The following VWF variants were observed in gnomAD, a reference collection of about 807,000 sequenced individuals.
VWF encodes the protein von Willebrand factor.
Under a neutral mutation model 308.6 loss-of-function variants are expected in VWF, and 176 were observed. That is an observed-to-expected ratio of 0.57 (90% CI 0.50 to 0.65). VWF has a LOEUF of 0.65. Ranked by LOEUF, VWF falls within the 30% of genes least tolerant of loss-of-function variation. The pLI is 0.00. For synonymous variants in VWF, 1,385 were observed against 1,443.4 expected (o/e 0.96, Z 0.92); for missense variants, 3,146 against 3,648.2 (o/e 0.86, Z 3.55).
intron 3 of VWF, among the ~76,000 whole-genome samples, chr12:6,113,471 G>T (rs1308064498): frequency 6.6e-6 from 1 of 151,964 alleles, no homozygotes; most frequent in Non-Finnish European, 1.5e-5. Context: ...CTAATTTGTT[G>T]TATTTTTAGT....
rs543894258 is a variant in VWF, at chr12:6,109,343, C to T, written c.532+1031G>A. Among the ~76,000 whole-genome samples the T allele has an allele frequency of 5.9e-5, 9 of 151,938 alleles. No individual in the cohort carries two copies. The South Asian group carries it at 1.5e-3, about 24-fold the overall frequency. On this transcript the variant is annotated intron_variant, in intron 5 of 51. Coordinates refer to ENST00000261405, the MANE Select transcript of VWF (RefSeq NM_000552.5). ...ATATATACATATTTACACAAACACA[C>T]ACACATATATAGAGTGCAACTAAAG...
At chr12:6,099,529 C>T (rs7136463) in intron 5 of VWF, among the ~76,000 whole-genome samples, 18,676 of 151,850 alleles carry the variant, frequency 0.12, 3,695 homozygotes, top group African/African-American at 0.42. Flanking sequence ...AGTTCACAAT[C>T]GAAAATTATG....
intron 2 of VWF, among the ~76,000 whole-genome samples, chr12:6,122,300 C>T (rs1269767591): frequency 2.0e-5 from 3 of 152,142 alleles, no homozygotes; most frequent in African/African-American, 7.2e-5. Context: ...CATCTTTGTA[C>T]ATAAATCTAC....
At chr12:6,031,814 G>C (rs995449813) in intron 20 of VWF, among the ~76,000 whole-genome samples, 1 of 151,868 alleles carries the variant, frequency 6.6e-6, no homozygotes, top group African/African-American at 2.4e-5. Flanking sequence ...TGCAGTGAGT[G>C]GGGTGGGGGT....
intron 6 of VWF, among the ~76,000 whole-genome samples, chr12:6,087,530 T>TC (rs1340103122): frequency 9.0e-6 from 1 of 111,672 alleles, no homozygotes; most frequent in Non-Finnish European, 1.9e-5. Flanking sequence ...GGCTAATTTT[T>TC]TTTTTTTTGT....
chr12:6,054,508 T>G (rs1345977100), intron 15 of VWF, among the ~76,000 whole-genome samples: 1 of 152,214 alleles, frequency 6.6e-6, no homozygotes, highest in African/African-American at 2.4e-5. Flanking sequence ...AAATTTCTCC[T>G]TTAGCCTTCT....
chr12:5,992,461 A>G (rs1354409373), intron 37 of VWF, among the ~76,000 whole-genome samples: 3 of 152,232 alleles, frequency 2.0e-5, no homozygotes, highest in Admixed American at 6.5e-5. Context: ...GCAAGGAACT[A>G]GAATCCAGTT....
rs910781099 is a variant in VWF at position 5,968,908 on chromosome 12, C to T, written c.7729+303G>A. ...TTGCCATTTTTCTGTTTGTTGGCAG[C>T]GTTGGGGTGGCAAGTTGAACGCCTT... On this transcript the variant is annotated intron_variant, in intron 45 of 51. Coordinates refer to ENST00000261405, the MANE Select transcript of VWF (RefSeq NM_000552.5). Among the ~76,000 whole-genome samples, 7 of 152,166 alleles carry T rather than the reference C, an allele frequency of 4.6e-5. No individual in the cohort carries two copies. The South Asian group carries it at 8.3e-4, about 18-fold the overall frequency.
intron 38 of VWF, among the ~76,000 whole-genome samples, chr12:5,991,319 A>G (rs216893): frequency 0.52 from 79,599 of 151,910 alleles, 21,164 homozygotes; most frequent in East Asian, 0.75. Flanking sequence ...CAATAAAGAA[A>G]CCTGTTTAAC....
intron 42 of VWF, among the ~76,000 whole-genome samples, chr12:5,979,185 G>T (rs1313396051): frequency 6.6e-6 from 1 of 152,200 alleles, no homozygotes; most frequent in East Asian, 1.9e-4. Flanking sequence ...AAAAAATCAA[G>T]CACTTATTCT....
Position 6,072,759 on chromosome 12 carries a change from G to C in VWF, c.998-317C>G, listed in dbSNP as rs115954087. ...CCTTACACATTAATGCAACGTGAGA[G>C]GGAGAAGACTACTCATTACCATTCC... On this transcript the variant is annotated intron_variant, in intron 8 of 51. Transcript: ENST00000261405. Among the ~76,000 whole-genome samples, 578 of 152,292 alleles carry C rather than the reference G, an allele frequency of 3.8e-3. 3 individuals carry two copies. The highest frequency in any genetic ancestry group is 0.013 in the African/African-American group (544 of 41,542).
chr12:5,971,835 C>T, intron 43 of VWF, 126 bp from the exon 44 acceptor site: 1 of 843,544 alleles, frequency 1.2e-6, no homozygotes, highest in Non-Finnish European at 2.0e-6. Context: ...GCATTTTCAT[C>T]TTTGTTGTCA....
intron 8 of VWF, 25 bp downstream of exon 8, chr12:6,073,594 G>A (rs746284989): frequency 6.2e-7 from 1 of 1,613,790 alleles, no homozygotes; most frequent in African/African-American, 1.3e-5. Context: ...TCTCTGATCT[G>A]TAAATAAAGT....
Position 6,073,354 on chromosome 12 carries a change from A to C in VWF, c.997+265T>G, listed in dbSNP as rs544055424. Among the ~76,000 whole-genome samples the C allele has an allele frequency of 8.5e-5, 13 of 152,298 alleles. No individual in the cohort carries two copies. The East Asian group carries it at 2.5e-3, about 29-fold the overall frequency. Reference sequence around the variant, plus strand: ...AGCTCAGATGGGCCACGAGTTCCCCAAACAAAGTTACTGTTGGGGCCCAGG... The same window carrying C: ...AGCTCAGATGGGCCACGAGTTCCCCCAACAAAGTTACTGTTGGGGCCCAGG... On this transcript the variant is annotated intron_variant, in intron 8 of 51. Transcript: ENST00000261405.
rs55842185 is a variant in VWF at position 6,051,286 on chromosome 12, C to CTTT, written c.2186+1254_2186+1256dup. 7.4e-3 allele frequency among the ~76,000 whole-genome samples: 865 copies of CTTT among 117,368 alleles called. 37 individuals carry two copies. The highest frequency in any genetic ancestry group is 0.026 in the African/African-American group (757 of 29,396). 77.0% of individuals were successfully genotyped at this position (117,368 alleles called of 152,430 possible). On this transcript the variant is annotated intron_variant, in intron 16 of 51. Coordinates refer to ENST00000261405, the MANE Select transcript of VWF (RefSeq NM_000552.5). Reference sequence around the variant, plus strand: ...TTCCATAATCAGGACTTCTTTTTTTCTTTTTTTTTTTTTTTTTTTTTTTGA... The same window carrying CTTT: ...TTCCATAATCAGGACTTCTTTTTTTCTTTTTTTTTTTTTTTTTTTTTTTTTTGA...
At chr12:6,026,518 A>G (rs1044777504) in intron 22 of VWF, among the ~76,000 whole-genome samples, 1 of 152,168 alleles carries the variant, frequency 6.6e-6, no homozygotes, top group African/African-American at 2.4e-5. Context: ...GCCTGTTCAG[A>G]GTAGGCTGGG....
chr12:6,090,289 G>C (rs1945017295), intron 6 of VWF, among the ~76,000 whole-genome samples: 1 of 152,128 alleles, frequency 6.6e-6, no homozygotes, highest in African/African-American at 2.4e-5. Flanking sequence ...AATACCTCGA[G>C]TGCACTCAAT....
At chr12:6,059,460 C>T (rs1483583952) in intron 13 of VWF, among the ~76,000 whole-genome samples, 1 of 152,240 alleles carries the variant, frequency 6.6e-6, no homozygotes, top group Non-Finnish European at 1.5e-5. Context: ...CAAAATACCA[C>T]AGACTGCGTG....
In VWF at chr12:6,098,820, A is replaced by T. The variant is rs118124442; in HGVS notation, c.533-3236T>A. The stretch of plus-strand genomic sequence containing the variant: ...AGACAAAAAGAAAGAGGGGGAAAGG[A>T]TAAGGAGAGAAAAAGGAAAAACAGA... On this transcript the variant is annotated intron_variant, in intron 5 of 51. Transcript: ENST00000261405. Among the ~76,000 whole-genome samples, 188 of 151,920 alleles carry T rather than the reference A, an allele frequency of 1.2e-3. 2 individuals are homozygous for T. In the East Asian group the frequency reaches 0.027, roughly 21 times the overall value.
Sources: gnomAD v4.1 joint callset for allele counts (sites outside exome capture counted in the v4.1 genomes callset) on GRCh38, gnomAD v4.1.1 for gene constraint, MANE v1.5 for transcripts, NCBI Gene and HGNC (gene_info 2026-07-23, HGNC 2026-07-21) for gene names.